SYN2: variants seen among roughly 807,000 people sequenced by gnomAD.
SYN2 encodes synapsin II.
In SYN2, 19 loss-of-function variants were observed where a neutral mutation model predicts 50.9. The observed-to-expected ratio is 0.37, with a 90% CI of 0.26 to 0.55. The LOEUF is 0.55. SYN2 is among the 20% of genes least tolerant of loss of function. The probability of loss-of-function intolerance (pLI) is 0.81; values close to 1 mark genes in which losing one functional copy is unlikely to be tolerated. For synonymous variants in SYN2, 255 were observed against 224.9 expected, an observed-to-expected ratio of 1.13 and a Z score of -1.20; for missense variants, 587 against 576.4, an observed-to-expected ratio of 1.02 and a Z score of -0.19.
intron 1 of SYN2, among the ~76,000 whole-genome samples, chr3:12,009,153 G>A (rs937689816): frequency 1.3e-5 from 2 of 152,180 alleles, no homozygotes; most frequent in African/African-American, 4.8e-5. Context: ...GAATTTGATT[G>A]TTCATAGCAG....
intron 5 of SYN2, chr3:12,158,590 C>T (rs990670827): frequency 1.2e-5 from 18 of 1,484,960 alleles, no homozygotes; most frequent in East Asian, 9.6e-5. Context: ...AAGAGACAAC[C>T]GGTAAGAATT....
chr3:12,011,138 C>G (rs533549490), intron 1 of SYN2, among the ~76,000 whole-genome samples: 2 of 152,202 alleles, frequency 1.3e-5, no homozygotes, highest in East Asian at 3.9e-4. Flanking sequence ...TGGATATGAT[C>G]CTGAAAAAGC....
chr3:12,161,066 AG>A (rs1410836549), intron 5 of SYN2, among the ~76,000 whole-genome samples: 1 of 152,238 alleles, frequency 6.6e-6, no homozygotes, highest in East Asian at 1.9e-4. Flanking sequence ...GAAAACAACC[AG>A]GATCATTACA....
At chr3:12,007,254 T>C (rs1365033997) in intron 1 of SYN2, among the ~76,000 whole-genome samples, 1 of 152,174 alleles carries the variant, frequency 6.6e-6, no homozygotes, top group Non-Finnish European at 1.5e-5. Context: ...CTCCCAACTG[T>C]TTTCCTATTT....
chr3:12,134,895 G>A (rs1173736488), intron 1 of SYN2, among the ~76,000 whole-genome samples: 2 of 152,260 alleles, frequency 1.3e-5, no homozygotes, highest in East Asian at 3.9e-4. Context: ...TGTAGACTCT[G>A]CTTTCTGTAC....
chr3:12,124,581 A>G (rs1260163869), intron 1 of SYN2, among the ~76,000 whole-genome samples: 1 of 152,206 alleles, frequency 6.6e-6, no homozygotes, highest in East Asian at 1.9e-4. Context: ...ACAGATAAAT[A>G]AATTGTGATG....
At chr3:12,169,612 G>T in intron 9 of SYN2, 145 bp from the exon 10 acceptor site, 1 of 881,896 alleles carries the variant, frequency 1.1e-6, no homozygotes, top group Non-Finnish European at 1.7e-6. Context: ...TTCTGCAAAT[G>T]ATCACACTTC....
chr3:12,180,948 A>G (rs1013697757), intron 10 of SYN2, among the ~76,000 whole-genome samples: 3 of 152,202 alleles, frequency 2.0e-5, no homozygotes, highest in African/African-American at 7.2e-5. Context: ...TTGGAATCAT[A>G]GTTTCACTGG....
chr3:12,183,186 G>A, intron 10 of SYN2, 126 bp from the exon 11 acceptor site: 1 of 1,319,604 alleles, frequency 7.6e-7, no homozygotes, highest in Non-Finnish European at 1.0e-6. Context: ...CCTATGGCCA[G>A]ATCCCACTGG....
At position 12,190,949 on chromosome 3, in the gene SYN2, T is replaced by C. The variant is rs751565236; in HGVS notation, c.*324T>C. 5.6e-6 allele frequency: 6 copies of C among 1,066,044 alleles called. No individual in the cohort carries two copies. Among genetic ancestry groups the C allele is most frequent in the Non-Finnish European group, 6.8e-6 (6 of 882,608 alleles). The allele number at this position is 1,066,044 out of a possible 1,614,324, so 66.0% of individuals were successfully genotyped here. ...AGTGCCATCATGTCTTATTCTTCCCTGTGAAACCAGGATTAATCGTGGACT... is the reference window on the plus strand; with the variant it reads ...AGTGCCATCATGTCTTATTCTTCCCCGTGAAACCAGGATTAATCGTGGACT... On this transcript the variant is annotated 3_prime_UTR_variant, in exon 13 of 13. Transcript: ENST00000621198.
chr3:12,095,308 G>A (rs1328185123), intron 1 of SYN2, among the ~76,000 whole-genome samples: 5 of 150,368 alleles, frequency 3.3e-5, no homozygotes, highest in Non-Finnish European at 7.4e-5. Flanking sequence ...ACATTGGGAG[G>A]CCGAGGCAGG....
At chr3:12,152,145 AG>A (rs2125225716) in intron 5 of SYN2, among the ~76,000 whole-genome samples, 1 of 152,266 alleles carries the variant, frequency 6.6e-6, no homozygotes, top group African/African-American at 2.4e-5. Flanking sequence ...CTTGGCCAAA[AG>A]GGGTCTCCAT....
At chr3:12,182,349 A>G (rs563138577) in intron 10 of SYN2, among the ~76,000 whole-genome samples, 125 of 152,206 alleles carry the variant, frequency 8.2e-4, no homozygotes, top group African/African-American at 2.6e-3. Context: ...CATTGACATC[A>G]CCGTTGGCAC....
intron 1 of SYN2, among the ~76,000 whole-genome samples, chr3:12,068,310 T>A (rs974067890): frequency 1.3e-5 from 2 of 152,240 alleles, no homozygotes; most frequent in African/African-American, 4.8e-5. Context: ...AAGGCATTGC[T>A]CAGTTATCTT....
chr3:12,035,529 A>G (rs1009826901), intron 1 of SYN2, among the ~76,000 whole-genome samples: 1 of 152,204 alleles, frequency 6.6e-6, no homozygotes, highest in African/African-American at 2.4e-5. Flanking sequence ...TGAACTCCCC[A>G]ATGGCTTACA....
chr3:12,051,408 G>GA (rs373975130), intron 1 of SYN2, among the ~76,000 whole-genome samples: 110,615 of 151,210 alleles, frequency 0.73, 40,713 homozygotes, highest in Admixed American at 0.8. Context: ...GAGGCACAGA[G>GA]CTACTGCTGG....
At chr3:12,014,071 C>T (rs750590230) in intron 1 of SYN2, among the ~76,000 whole-genome samples, 3 of 152,164 alleles carry the variant, frequency 2.0e-5, no homozygotes, top group African/African-American at 4.8e-5. Context: ...ATGCCCCCTC[C>T]ATGCCCTCTT....
Position 12,116,655 on chromosome 3 carries a change from G to T in SYN2, c.378-23996G>T, listed in dbSNP as rs1032279294. On this transcript the variant is annotated intron_variant, in intron 1 of 12. Coordinates refer to ENST00000621198, the MANE Select transcript of SYN2 (RefSeq NM_133625.6). ...AAACAGTCTCCTCCTCTACAGTAAA[G>T]ATTCTCAGAGGCATTTATCATATTT... is the stretch of plus-strand genomic sequence containing the variant. Among the ~76,000 whole-genome samples, 5 of 152,350 alleles carry T rather than the reference G, an allele frequency of 3.3e-5. No homozygotes were observed. The South Asian group carries it at 1.0e-3, about 32-fold the overall frequency.
At chr3:12,156,836 C>G (rs759026154) in intron 5 of SYN2, 8 of 1,613,950 alleles carry the variant, frequency 5.0e-6, no homozygotes, top group Non-Finnish European at 5.9e-6. Flanking sequence ...AGAGATACTG[C>G]TTCTGGCTGT....
Sources: gnomAD v4.1 joint callset for allele counts (sites outside exome capture counted in the v4.1 genomes callset) on GRCh38, gnomAD v4.1.1 for gene constraint, MANE v1.5 for transcripts, NCBI Gene and HGNC (gene_info 2026-07-23, HGNC 2026-07-21) for gene names.